The following NDUFAF6 variants were observed in gnomAD, a reference collection of about 807,000 sequenced individuals.
NDUFAF6 encodes the protein NADH:ubiquinone oxidoreductase complex assembly factor 6, also known as NADH dehydrogenase (ubiquinone) complex I, assembly factor 6.
A neutral mutation model predicts 40.8 loss-of-function variants in NDUFAF6; 45 were observed. That is an observed-to-expected ratio of 1.10 (90% CI 0.87 to 1.42). The LOEUF is 1.42. Ranked by LOEUF, NDUFAF6 falls within the 40% of genes most tolerant of loss-of-function variation. The pLI is 0.00. For missense variants in NDUFAF6, 435 were observed against 418.5 expected (o/e 1.04, Z -0.34); for synonymous variants, 185 against 155.9 (o/e 1.19, Z -1.39).
intron 9 of NDUFAF6, chr8:95,068,057 A>C (rs1353599628): frequency 6.6e-6 from 1 of 151,852 alleles, no homozygotes; most frequent in African/African-American, 2.4e-5. Context: ...CCCCTGTCCT[A>C]GTCCTTTGTC....
chr8:94,946,654 A>C (rs982223876), intron 2 of NDUFAF6, among the ~76,000 whole-genome samples: 2 of 139,346 alleles, frequency 1.4e-5, no homozygotes, highest in Admixed American at 7.8e-5. Flanking sequence ...TTGTGATCCC[A>C]CCACTACACT....
chr8:94,940,337 G>T (rs933745695), intron 1 of NDUFAF6: 1 of 1,233,790 alleles, frequency 8.1e-7, no homozygotes, highest in African/African-American at 1.5e-5. Flanking sequence ...CACAGAAAAA[G>T]AAGAGATGAT....
At chr8:95,009,439 G>T (rs1190028979) in intron 2 of NDUFAF6, among the ~76,000 whole-genome samples, 2 of 152,164 alleles carry the variant, frequency 1.3e-5, no homozygotes. Context: ...CTACCCTTTT[G>T]TGTAGACAAA....
At chr8:95,056,448 A>G (rs1212970309) in intron 8 of NDUFAF6, among the ~76,000 whole-genome samples, 1 of 151,966 alleles carries the variant, frequency 6.6e-6, no homozygotes, top group Non-Finnish European at 1.5e-5. Context: ...CTTGAGCTCA[A>G]ACAATCCACC....
intron 1 of NDUFAF6, chr8:94,939,938 T>G: frequency 6.2e-7 from 1 of 1,614,174 alleles, no homozygotes; most frequent in Non-Finnish European, 8.5e-7. Flanking sequence ...ATGCACAGCA[T>G]AGACAGACAT....
chr8:95,043,325 G>A (rs1044861550), intron 4 of NDUFAF6, among the ~76,000 whole-genome samples: 2 of 151,530 alleles, frequency 1.3e-5, no homozygotes, highest in Non-Finnish European at 2.9e-5. Flanking sequence ...TCCTGACCTC[G>A]TGATCCACCC....
chr8:94,921,616 C>T (rs1819506912), intron 1 of NDUFAF6, among the ~76,000 whole-genome samples: 1 of 152,158 alleles, frequency 6.6e-6, no homozygotes, highest in Non-Finnish European at 1.5e-5. Context: ...ATTCTTCTGG[C>T]CAATGCTCTA....
chr8:94,904,922 A>G (rs942340855), intron 1 of NDUFAF6, among the ~76,000 whole-genome samples: 8 of 152,120 alleles, frequency 5.3e-5, no homozygotes, highest in Admixed American at 1.3e-4. Context: ...TCTTCTGGCC[A>G]GGCGCGGTGG....
intron 1 of NDUFAF6, among the ~76,000 whole-genome samples, chr8:94,923,063 A>G (rs1188790460): frequency 6.6e-6 from 1 of 152,192 alleles, no homozygotes; most frequent in Admixed American, 6.5e-5. Flanking sequence ...CAGAACAGGC[A>G]TGTCGGAAAG....
chr8:94,929,702 T>C (rs1820209875), intron 1 of NDUFAF6: 1 of 152,244 alleles, frequency 6.6e-6, no homozygotes, highest in Non-Finnish European at 1.5e-5. Flanking sequence ...AATTAAATAC[T>C]GCACTAATGG....
chr8:94,911,660 T>C (rs2131225115), intron 1 of NDUFAF6, among the ~76,000 whole-genome samples: 1 of 152,368 alleles, frequency 6.6e-6, no homozygotes, highest in African/African-American at 2.4e-5. Context: ...ATTTACCTGG[T>C]ACCTCAGTTA....
intron 2 of NDUFAF6, among the ~76,000 whole-genome samples, chr8:95,094,342 T>C (rs1348067736): frequency 6.7e-6 from 1 of 150,172 alleles, no homozygotes; most frequent in African/African-American, 2.5e-5. Flanking sequence ...ATTCTATGTC[T>C]TTCCTTTTTC....
chr8:95,095,731 C>T (rs1270644003), upstream of NDUFAF6, among the ~76,000 whole-genome samples: 3 of 151,256 alleles, frequency 2.0e-5, no homozygotes, highest in Admixed American at 6.6e-5. Flanking sequence ...GTAGCATGAT[C>T]TCAGCTCATT....
chr8:95,091,612 A>G (rs1302630666), intron 2 of NDUFAF6, among the ~76,000 whole-genome samples: 1 of 151,642 alleles, frequency 6.6e-6, no homozygotes, highest in Non-Finnish European at 1.5e-5. Context: ...GCATTTATTC[A>G]AGCAGAAGAA....
chr8:94,969,644 A>G (rs1233227859), intron 1 of NDUFAF6, among the ~76,000 whole-genome samples: 3 of 152,204 alleles, frequency 2.0e-5, no homozygotes, highest in African/African-American at 7.2e-5. Flanking sequence ...CTGTCTCTAA[A>G]TAAGATAATT....
chr8:95,109,705 C>T (rs1182517637), intron 4 of NDUFAF6, among the ~76,000 whole-genome samples: 1 of 152,142 alleles, frequency 6.6e-6, no homozygotes, highest in Non-Finnish European at 1.5e-5. Context: ...ATCACATCTT[C>T]CTTTTCTGAC....
intron 1 of NDUFAF6, among the ~76,000 whole-genome samples, chr8:94,899,224 G>C (rs1302303398): frequency 6.6e-6 from 1 of 152,166 alleles, no homozygotes; most frequent in African/African-American, 2.4e-5. Context: ...AATCAGGTGA[G>C]ATGCAGTTTT....
At chr8:95,088,675 A>G (rs1353231297) in intron 2 of NDUFAF6, among the ~76,000 whole-genome samples, 6 of 138,592 alleles carry the variant, frequency 4.3e-5, no homozygotes, top group Non-Finnish European at 1.6e-5. Flanking sequence ...CAGCCAAGTC[A>G]CTTTTTTGGG....
At chr8:95,039,402 A>G (rs1423112142) in intron 3 of NDUFAF6, among the ~76,000 whole-genome samples, 6 of 151,608 alleles carry the variant, frequency 4.0e-5, no homozygotes, top group African/African-American at 1.5e-4. Flanking sequence ...GCAGTGAGCC[A>G]AGATTGCGCC....
Sources: allele counts gnomAD v4.1 joint callset (sites outside exome capture counted in the v4.1 genomes callset), GRCh38; gene constraint gnomAD v4.1.1; transcripts MANE v1.5; gene names NCBI Gene and HGNC (gene_info 2026-07-23, HGNC 2026-07-21).